KDM4B: variants seen among roughly 807,000 people sequenced by gnomAD.
KDM4B encodes the protein lysine-specific demethylase 4B.
Under a neutral mutation model 125.2 loss-of-function variants are expected in KDM4B, and 32 were observed. That is an observed-to-expected ratio of 0.26 (90% CI 0.19 to 0.34). KDM4B has a LOEUF of 0.34. Ranked by LOEUF, KDM4B falls within the 10% of genes least tolerant of loss-of-function variation. The pLI is 1.00. For missense variants in KDM4B, 1,190 were observed against 1,577.7 expected (o/e 0.75, Z 4.16); for synonymous variants, 721 against 677.9 (o/e 1.06, Z -0.99).
At chr19:5,133,842 G>A (rs530588322) in intron 13 of KDM4B, 41 bp from the exon 14 acceptor site, 15 of 1,600,566 alleles carry the variant, frequency 9.4e-6, no homozygotes, top group Non-Finnish European at 1.2e-5. Flanking sequence ...AGTTTTTAGG[G>A]GGCTCAAGTG....
At chr19:5,151,253 CCT>C in intron 22 of KDM4B, 80 bp from the exon 23 acceptor site, 1 of 1,201,284 alleles carries the variant, frequency 8.3e-7, no homozygotes, top group Non-Finnish European at 1.1e-6. Context: ...CCAGCCAGCT[CCT>C]CTCAGAGGCC....
chr19:5,023,906 C>T (rs2145575042), intron 2 of KDM4B, among the ~76,000 whole-genome samples: 1 of 151,748 alleles, frequency 6.6e-6, no homozygotes, highest in South Asian at 2.1e-4. Context: ...GGGTGTGCAC[C>T]ACCACGCCTG....
At chr19:4,975,593 AT>A (rs10674194) in intron 1 of KDM4B, among the ~76,000 whole-genome samples, 380 of 138,158 alleles carry the variant, frequency 2.8e-3, no homozygotes, top group Non-Finnish European at 2.7e-3. Context: ...GAGTGAATGA[AT>A]TTTTTTTTTT....
chr19:5,098,661 G>T (rs1431708655), intron 9 of KDM4B, among the ~76,000 whole-genome samples: 3 of 152,174 alleles, frequency 2.0e-5, no homozygotes, highest in Non-Finnish European at 2.9e-5. Context: ...GGTATTAAGA[G>T]ATGGGGCCTC....
chr19:5,011,641 G>A (rs531397630), intron 1 of KDM4B, among the ~76,000 whole-genome samples: 8 of 152,336 alleles, frequency 5.3e-5, no homozygotes, highest in African/African-American at 1.2e-4. Context: ...CTCGCCAGGC[G>A]TGCAGGTGAG....
intron 21 of KDM4B, among the ~76,000 whole-genome samples, chr19:5,146,112 G>A (rs1292548939): frequency 7.7e-5 from 9 of 117,008 alleles, no homozygotes; most frequent in African/African-American, 1.3e-4. Context: ...CCCCACCCCC[G>A]GCCGTGCAGG....
chr19:5,056,094 G>GGGCT (rs937316944), intron 6 of KDM4B, among the ~76,000 whole-genome samples: 3 of 152,208 alleles, frequency 2.0e-5, no homozygotes, highest in Non-Finnish European at 4.4e-5. Context: ...GTGTTGAGGA[G>GGGCT]GGCTGGCCAG....
chr19:5,144,691 C>T, intron 20 of KDM4B, 92 bp from the exon 21 acceptor site: 1 of 1,542,318 alleles, frequency 6.5e-7, no homozygotes, highest in South Asian at 1.2e-5. Context: ...GGCAGAGAAC[C>T]TCACTTGCCA....
chr19:5,097,007 C>T (rs945571261), intron 9 of KDM4B, among the ~76,000 whole-genome samples: 7 of 152,052 alleles, frequency 4.6e-5, no homozygotes, highest in East Asian at 3.9e-4. Context: ...TTAAAGAGCA[C>T]GGGCTGGCAG....
rs372803801 is a variant in KDM4B at position 5,031,062 on chromosome 19, G to A, written c.-25-1804G>A. Among the ~76,000 whole-genome samples, 49 of 152,344 alleles carry A rather than the reference G, an allele frequency of 3.2e-4. 1 individual carries two copies. Among genetic ancestry groups the A allele is most frequent in the East Asian group, 1.2e-3 (6 of 5,194 alleles). ...GAGGGTCCCACAGTGGTCCAGCTGC[G>A]GCCTCTGCTCCCTCTGAGCCGGTGG... On this transcript the variant is annotated intron_variant, in intron 2 of 22. Transcript: ENST00000159111.
At chr19:5,108,922 G>A (rs553369808) in intron 9 of KDM4B, among the ~76,000 whole-genome samples, 28 of 148,854 alleles carry the variant, frequency 1.9e-4, no homozygotes, top group African/African-American at 6.6e-4. Flanking sequence ...TGCCCCCCAC[G>A]CCCCGAGCTT....
At chr19:5,109,701 TA>T (rs770767072) in intron 9 of KDM4B, among the ~76,000 whole-genome samples, 1 of 152,112 alleles carries the variant, frequency 6.6e-6, no homozygotes, top group Non-Finnish European at 1.5e-5. Flanking sequence ...TCTTCTTCGT[TA>T]ACATTGTCGT....
chr19:5,015,712 GGT>G (rs1165846067), intron 1 of KDM4B, among the ~76,000 whole-genome samples: 1 of 152,160 alleles, frequency 6.6e-6, no homozygotes, highest in Non-Finnish European at 1.5e-5. Context: ...AAAAAGTCTT[GGT>G]GTCACATCCA....
chr19:5,139,740 T>C (rs896533202), intron 18 of KDM4B, among the ~76,000 whole-genome samples: 3 of 152,228 alleles, frequency 2.0e-5, no homozygotes, highest in African/African-American at 7.2e-5. Context: ...TCTGTTCTGC[T>C]CCTTCGCCCA....
chr19:5,027,487 A>G (rs1040281832), intron 2 of KDM4B, among the ~76,000 whole-genome samples: 1 of 150,306 alleles, frequency 6.7e-6, no homozygotes, highest in East Asian at 2.0e-4. Context: ...TCAGGAGAGC[A>G]TTATTCTTTC....
chr19:5,144,924 C>T (rs369553296), intron 21 of KDM4B, 22 bp downstream of exon 21: 23 of 1,612,404 alleles, frequency 1.4e-5, no homozygotes, highest in African/African-American at 2.7e-5. Flanking sequence ...ATCTGGCAGC[C>T]GCGCCATGCC....
intron 10 of KDM4B, chr19:5,111,475 A>G (rs2039144250): frequency 1.3e-6 from 1 of 765,278 alleles, no homozygotes; most frequent in African/African-American, 1.7e-5. Context: ...GCTTCTGACC[A>G]CAAGAGGCCA....
At chr19:5,057,940 G>C (rs1174804551) in intron 6 of KDM4B, among the ~76,000 whole-genome samples, 1 of 152,240 alleles carries the variant, frequency 6.6e-6, no homozygotes, top group Non-Finnish European at 1.5e-5. Flanking sequence ...AGCATGTGTG[G>C]TGTCCAAGGT....
intron 1 of KDM4B, among the ~76,000 whole-genome samples, chr19:4,974,879 G>A (rs183659030): frequency 2.6e-5 from 4 of 152,078 alleles, no homozygotes; most frequent in East Asian, 1.9e-4. Flanking sequence ...TGGCCCCTTC[G>A]CTCTGTCATC....
Sources: gnomAD v4.1 joint callset for allele counts (sites outside exome capture counted in the v4.1 genomes callset) on GRCh38, gnomAD v4.1.1 for gene constraint, MANE v1.5 for transcripts, NCBI Gene and HGNC (gene_info 2026-07-23, HGNC 2026-07-21) for gene names.